ERICH3: variants seen among roughly 807,000 people sequenced by gnomAD.
ERICH3 encodes the protein glutamate rich 3.
Under a neutral mutation model 131.1 loss-of-function variants are expected in ERICH3, and 126 were observed. The observed-to-expected ratio is 0.96, with a 90% CI of 0.83 to 1.11. The LOEUF (loss-of-function observed/expected upper bound fraction) is 1.11. ERICH3 is among the 50% of genes most tolerant of loss of function. The probability of loss-of-function intolerance (pLI) is 0.00; values close to 1 mark genes in which losing one functional copy is unlikely to be tolerated. For synonymous variants in ERICH3, 695 were observed against 644.6 expected (o/e 1.08, Z -1.18); for missense variants, 2,050 against 1,810.7 (o/e 1.13, Z -2.40).
At chr1:74,618,678 A>C (rs2100607173) in intron 8 of ERICH3, among the ~76,000 whole-genome samples, 1 of 152,354 alleles carries the variant, frequency 6.6e-6, no homozygotes, top group Admixed American at 6.5e-5. Context: ...TATAATAAAC[A>C]ATCAGCTTGT....
intron 11 of ERICH3, among the ~76,000 whole-genome samples, chr1:74,590,532 G>T (rs1647542403): frequency 6.6e-6 from 1 of 152,158 alleles, no homozygotes; most frequent in Non-Finnish European, 1.5e-5. Context: ...CTAGAACCCT[G>T]GCATGTGCAG....
chr1:74,646,889 G>GACACAC (rs141577300), intron 2 of ERICH3, 97 bp from the exon 3 acceptor site: 69,484 of 246,926 alleles, frequency 0.28, 11,404 homozygotes, highest in Non-Finnish European at 0.32. Context: ...AAGACAGACA[G>GACACAC]ACACACACAC....
chr1:74,626,889 C>G (rs1649435678), intron 7 of ERICH3, among the ~76,000 whole-genome samples: 1 of 152,156 alleles, frequency 6.6e-6, no homozygotes, highest in South Asian at 2.1e-4. Flanking sequence ...AGCCAGAGAC[C>G]ATGTTGTTCT....
In ERICH3 at chr1:74,570,983, A is replaced by G. The variant is rs1570781674; in HGVS notation, c.*18+116T>C. 11 of 1,342,148 alleles carry G rather than the reference A, an allele frequency of 8.2e-6. No individual in the cohort carries two copies. The South Asian group carries it at 1.5e-4, about 18-fold the overall frequency. The allele number at this position is 1,342,148 out of a possible 1,614,324, so 83.1% of individuals were successfully genotyped here. On this transcript the variant is annotated intron_variant, in intron 14 of 14. Transcript: ENST00000326665. Reference sequence around the variant, plus strand: ...TTAGGGCTAAGTGACACAGAATTGAAGCCTGTGTGTTTATATGTGCACAGA... The same window carrying G: ...TTAGGGCTAAGTGACACAGAATTGAGGCCTGTGTGTTTATATGTGCACAGA...
intron 14 of ERICH3, among the ~76,000 whole-genome samples, chr1:74,570,686 TAACA>T (rs778792946): frequency 1.3e-5 from 2 of 152,224 alleles, no homozygotes; most frequent in Non-Finnish European, 2.9e-5. Flanking sequence ...AGGCAAATGA[TAACA>T]AACAACCTTC....
chr1:74,623,377 C>G (rs1649298591), intron 7 of ERICH3: 2 of 152,180 alleles, frequency 1.3e-5, no homozygotes, highest in Admixed American at 6.5e-5. Flanking sequence ...ACTAAGTTTT[C>G]ACTGAAATCT....
Position 74,665,782 on chromosome 1 carries a change from A to G in ERICH3, c.23+7715T>C, listed in dbSNP as rs568567860. On this transcript the variant is annotated intron_variant, in intron 1 of 14. Coordinates refer to ENST00000326665, the MANE Select transcript of ERICH3 (RefSeq NM_001002912.5). Reference sequence around the variant, plus strand: ...GATTTAACCTTAATTACCTCTTTAAAGACCCTGTCTCCAATACAGTCACAT... The same window carrying G: ...GATTTAACCTTAATTACCTCTTTAAGGACCCTGTCTCCAATACAGTCACAT... 4.6e-5 allele frequency among the ~76,000 whole-genome samples: 7 copies of G among 152,256 alleles called. No individual in the cohort carries two copies. In the South Asian group the frequency reaches 1.5e-3, roughly 32 times the overall value.
intron 13 of ERICH3, among the ~76,000 whole-genome samples, chr1:74,576,075 T>G (rs923580864): frequency 1.3e-5 from 2 of 152,156 alleles, no homozygotes; most frequent in African/African-American, 4.8e-5. Flanking sequence ...GCTCTGCCAT[T>G]TACTAATTGT....
At chr1:74,668,365 A>G (rs1010023803) in intron 1 of ERICH3, among the ~76,000 whole-genome samples, 3 of 152,238 alleles carry the variant, frequency 2.0e-5, no homozygotes, top group African/African-American at 7.2e-5. Flanking sequence ...TTAGAAAAAC[A>G]TCTGAGAAAC....
At chr1:74,632,657 T>G (rs1646351497) in intron 6 of ERICH3, among the ~76,000 whole-genome samples, 1 of 151,930 alleles carries the variant, frequency 6.6e-6, no homozygotes, top group Non-Finnish European at 1.5e-5. Context: ...TAAAACTTGC[T>G]TTGTTCCTAT....
At chr1:74,674,333 T>C (rs949301086), upstream of ERICH3, among the ~76,000 whole-genome samples, 1 of 152,194 alleles carries the variant, frequency 6.6e-6, no homozygotes, top group Admixed American at 6.5e-5. Context: ...GTACATGGAA[T>C]GCAGGGCTTA....
chr1:74,579,831 G>A (rs1010941178), intron 12 of ERICH3: 169 of 984,856 alleles, frequency 1.7e-4, no homozygotes, highest in Middle Eastern at 5.2e-4. Context: ...GGTGACCACT[G>A]GAGGCAAAGG....
At chr1:74,605,944 CA>C (rs36050589) in intron 10 of ERICH3, among the ~76,000 whole-genome samples, 4 of 132,994 alleles carry the variant, frequency 3.0e-5, no homozygotes, top group Non-Finnish European at 4.6e-5. Context: ...ATAAAGTGAG[CA>C]CAATAAAATG....
chr1:74,673,944 GCA>G (rs1570929713), upstream of ERICH3, among the ~76,000 whole-genome samples: 1 of 152,114 alleles, frequency 6.6e-6, no homozygotes, highest in African/African-American at 2.4e-5. Flanking sequence ...ACACACTCGT[GCA>G]CACACACAGG....
chr1:74,653,174 T>C (rs898181079), intron 1 of ERICH3, among the ~76,000 whole-genome samples: 3 of 152,148 alleles, frequency 2.0e-5, no homozygotes, highest in Non-Finnish European at 4.4e-5. Flanking sequence ...CAAAGAGAGA[T>C]AGTCTACCAT....
Position 74,589,733 on chromosome 1 carries a change from C to T in ERICH3, c.2074G>A (p.Val692Ile). Residue 692 changes from valine to isoleucine, a missense_variant, in exon 12 of 15, where the codon GTT becomes ATT. Coordinates refer to ENST00000326665, the MANE Select transcript of ERICH3 (RefSeq NM_001002912.5). ...TCCTTTTCCTTTTCTTCTGCAGAAACATGTTTCCCGGACTTCTCAGATAAA... is the reference window on the plus strand; with the variant it reads ...TCCTTTTCCTTTTCTTCTGCAGAAATATGTTTCCCGGACTTCTCAGATAAA... ...EGLSEKSGKH[V>I]SAEEKEKDKS... The T allele has an allele frequency of 1.2e-6, 2 of 1,614,098 alleles. No individual in the cohort carries two copies. The highest frequency in any genetic ancestry group is 1.3e-5 in the African/African-American group (1 of 75,040).
chr1:74,626,645 G>A (rs1289396866), intron 7 of ERICH3, among the ~76,000 whole-genome samples: 1 of 152,142 alleles, frequency 6.6e-6, no homozygotes, highest in Non-Finnish European at 1.5e-5. Flanking sequence ...GACTGGTAAG[G>A]TTAGACTACC....
chr1:74,572,994 T>A lies in ERICH3; in HGVS notation c.2716A>T (p.Asn906Tyr). The change falls in exon 14 of 15, where the codon AAT (asparagine) becomes TAT (tyrosine). Residue 906 changes from asparagine to tyrosine, a missense_variant. Physicochemically the swap from Asn to Tyr is moderately radical, Grantham distance 143 (BLOSUM62 -2). Transcript: ENST00000326665. ...EQGLEKAVLA[N>Y]EAAALNLEHL... The stretch of plus-strand genomic sequence containing the variant: ...TCCAAGTTCAGGGCTGCTGCTTCAT[T>A]TGCAAGCACTGCCTTCTCTAAACCC... The A allele has an allele frequency of 6.2e-7, 1 of 1,614,136 alleles. No homozygotes were observed. The highest frequency in any genetic ancestry group is 1.1e-5 in the South Asian group (1 of 91,078).
chr1:74,649,353 G>A (rs755482623), intron 1 of ERICH3, 38 bp from the exon 2 acceptor site: 1 of 1,522,580 alleles, frequency 6.6e-7, no homozygotes, highest in Admixed American at 1.7e-5. Flanking sequence ...CTTTTACAAG[G>A]GGTTGTTTGA....
Sources: gnomAD v4.1 joint callset for allele counts (sites outside exome capture counted in the v4.1 genomes callset) on GRCh38, gnomAD v4.1.1 for gene constraint, MANE v1.5 for transcripts, NCBI Gene and HGNC (gene_info 2026-07-23, HGNC 2026-07-21) for gene names.